The following GRIK1 variants were observed in gnomAD, a reference collection of about 807,000 sequenced individuals.
GRIK1 encodes glutamate ionotropic receptor kainate type subunit 1, also known as glutamate receptor ionotropic, kainate 1.
GRIK1 carries 69 observed loss-of-function variants against 105.7 expected under a neutral mutation model. The observed-to-expected ratio is 0.65, with a 90% CI of 0.54 to 0.80. The LOEUF (loss-of-function observed/expected upper bound fraction) is 0.80. Among genes scored for constraint, GRIK1 ranks in the 30% least tolerant of loss-of-function variants. The pLI is 0.00. For synonymous variants in GRIK1, 438 were observed against 431.3 expected (o/e 1.02, Z -0.19); for missense variants, 1,109 against 1,167.3 (o/e 0.95, Z 0.73).
At chr21:29,560,282 TCTTTCTTTCTTTCTTTCTTTCTTTC>T (rs2090361612) in intron 15 of GRIK1, among the ~76,000 whole-genome samples, 10 of 41,834 alleles carry the variant, frequency 2.4e-4, no homozygotes, top group African/African-American at 8.9e-4. Flanking sequence ...GATACAGTTT[TCTTTCTTTCTTTCTTTCTTTCTTTC>T]TTTCTTTCTT....
At chr21:29,664,742 G>T (rs1008150290) in intron 4 of GRIK1, among the ~76,000 whole-genome samples, 1 of 152,140 alleles carries the variant, frequency 6.6e-6, no homozygotes. Context: ...GGATCCTTTT[G>T]ATAAGATCTT....
At chr21:29,847,799 T>C (rs965442425) in intron 1 of GRIK1, among the ~76,000 whole-genome samples, 1 of 152,168 alleles carries the variant, frequency 6.6e-6, no homozygotes, top group Non-Finnish European at 1.5e-5. Flanking sequence ...TGCTGGATCA[T>C]GCTTTCAAGA....
At chr21:29,771,712 G>C (rs1192764359) in intron 1 of GRIK1, among the ~76,000 whole-genome samples, 1 of 152,202 alleles carries the variant, frequency 6.6e-6, no homozygotes, top group Non-Finnish European at 1.5e-5. Context: ...ATGAGTAAGT[G>C]ACATTCCCTT....
Position 29,619,432 on chromosome 21 carries a change from C to CA in GRIK1, c.1099-20496dup, listed in dbSNP as rs59251915. Among the ~76,000 whole-genome samples the CA allele has an allele frequency of 8.4e-3, 1,234 of 146,380 alleles. 11 individuals carry two copies. The highest frequency in any genetic ancestry group is 0.03 in the African/African-American group (1,174 of 39,286). On this transcript the variant is annotated intron_variant, in intron 7 of 17. Transcript: ENST00000327783. ...AGCCTGAATGACAGTGAGACTGTCTCAAAAAAGAAAAAAAAATAATGATTC... is the reference window on the plus strand; with the variant it reads ...AGCCTGAATGACAGTGAGACTGTCTCAAAAAAAGAAAAAAAAATAATGATTC...
At chr21:29,900,083 C>CAAAAAAAAAA (rs10547423) in intron 1 of GRIK1, among the ~76,000 whole-genome samples, 2 of 122,346 alleles carry the variant, frequency 1.6e-5, no homozygotes, top group Admixed American at 8.0e-5. Context: ...GACTCTGTCT[C>CAAAAAAAAAA]AAAAAAAAAA....
chr21:29,616,699 T>G (rs2061858575), intron 7 of GRIK1, among the ~76,000 whole-genome samples: 1 of 152,188 alleles, frequency 6.6e-6, no homozygotes, highest in African/African-American at 2.4e-5. Flanking sequence ...TGAAACCGCC[T>G]CAAAACTACA....
chr21:29,712,548 TA>T (rs1209318663), intron 1 of GRIK1, among the ~76,000 whole-genome samples: 2 of 151,936 alleles, frequency 1.3e-5, no homozygotes, highest in Non-Finnish European at 2.9e-5. Flanking sequence ...GTATTGTAAA[TA>T]AAAAAAATCA....
chr21:29,828,981 T>C (rs1038100334), intron 1 of GRIK1, among the ~76,000 whole-genome samples: 1 of 152,152 alleles, frequency 6.6e-6, no homozygotes, highest in African/African-American at 2.4e-5. Flanking sequence ...CTAACTGTAA[T>C]AGTCTTAAAA....
chr21:29,810,025 C>T (rs946214186), intron 1 of GRIK1, among the ~76,000 whole-genome samples: 1 of 152,060 alleles, frequency 6.6e-6, no homozygotes, highest in Admixed American at 6.6e-5. Flanking sequence ...CAGCTGGGCA[C>T]GGTGGGTCAT....
At chr21:29,887,694 C>A (rs2069685880) in intron 1 of GRIK1, among the ~76,000 whole-genome samples, 1 of 152,144 alleles carries the variant, frequency 6.6e-6, no homozygotes, top group South Asian at 2.1e-4. Context: ...TTACTATAAT[C>A]TTTTCCCTCT....
chr21:29,910,141 A>C (rs2070765567), intron 1 of GRIK1, among the ~76,000 whole-genome samples: 1 of 152,182 alleles, frequency 6.6e-6, no homozygotes, highest in Non-Finnish European at 1.5e-5. Context: ...AAAACATGTC[A>C]TATATCCCAT....
At chr21:29,721,651 A>G (rs2064326298) in intron 1 of GRIK1, among the ~76,000 whole-genome samples, 1 of 152,150 alleles carries the variant, frequency 6.6e-6, no homozygotes, top group South Asian at 2.1e-4. Context: ...GGCAGATATT[A>G]TGTTCCCCAA....
chr21:29,814,904 G>A (rs1434488894), intron 1 of GRIK1, among the ~76,000 whole-genome samples: 1 of 152,128 alleles, frequency 6.6e-6, no homozygotes, highest in African/African-American at 2.4e-5. Flanking sequence ...TTGTTTCAAA[G>A]CTAGCTTCCA....
At chr21:29,680,969 C>T (rs1028025413) in intron 3 of GRIK1, among the ~76,000 whole-genome samples, 1 of 151,982 alleles carries the variant, frequency 6.6e-6, no homozygotes, top group Non-Finnish European at 1.5e-5. Context: ...CCAGTCTCTA[C>T]CAAAAATACA....
chr21:29,901,016 A>G (rs1037944630), intron 1 of GRIK1, among the ~76,000 whole-genome samples: 6 of 152,228 alleles, frequency 3.9e-5, no homozygotes, highest in African/African-American at 1.4e-4. Flanking sequence ...ATGGAAACCG[A>G]ACAACCTGCT....
At chr21:29,799,546 T>A (rs2145849496) in intron 1 of GRIK1, among the ~76,000 whole-genome samples, 1 of 152,252 alleles carries the variant, frequency 6.6e-6, no homozygotes, top group Admixed American at 6.5e-5. Context: ...TGTTTGTTTT[T>A]TGAGATGGAG....
intron 16 of GRIK1, among the ~76,000 whole-genome samples, chr21:29,552,700 AATTAGT>A (rs1489604272): frequency 6.6e-6 from 1 of 151,846 alleles, no homozygotes; most frequent in Non-Finnish European, 1.5e-5. Flanking sequence ...AATAGAAATG[AATTAGT>A]ACATAGCTTA....
At chr21:29,644,902 T>A (rs1206273009) in intron 6 of GRIK1, among the ~76,000 whole-genome samples, 1 of 152,216 alleles carries the variant, frequency 6.6e-6, no homozygotes, top group East Asian at 1.9e-4. Flanking sequence ...CACTATAACC[T>A]TTATTCTTTT....
intron 1 of GRIK1, among the ~76,000 whole-genome samples, chr21:29,751,843 G>C (rs185814962): frequency 8.5e-5 from 13 of 152,226 alleles, no homozygotes; most frequent in South Asian, 2.1e-4. Context: ...CCCATTATTT[G>C]CCATTCCAAT....
Sources: allele counts gnomAD v4.1 joint callset (sites outside exome capture counted in the v4.1 genomes callset), GRCh38; gene constraint gnomAD v4.1.1; transcripts MANE v1.5; gene names NCBI Gene and HGNC (gene_info 2026-07-23, HGNC 2026-07-21).